Variants in PRIM2 observed in about 807,000 individuals in gnomAD.
PRIM2 encodes the protein DNA primase large subunit.
A neutral mutation model predicts 67.3 loss-of-function variants in PRIM2; 39 were observed. That is an observed-to-expected ratio of 0.58 (90% CI 0.45 to 0.76). PRIM2 has a LOEUF of 0.76. PRIM2 is among the 30% of genes least tolerant of loss of function. PRIM2 has a pLI of 0.00. For missense variants in PRIM2, 398 were observed against 598.7 expected (o/e 0.66, Z 3.50); for synonymous variants, 143 against 198.7 (o/e 0.72, Z 2.36).
the PRIM2 span, among the ~76,000 whole-genome samples, chr6:57,280,934 A>G: frequency 6.6e-6 from 1 of 151,246 alleles, no homozygotes. Context: ...TTTTCCCTTT[A>G]TCTCTCTCTT....
the PRIM2 span, among the ~76,000 whole-genome samples, chr6:57,299,060 C>G: frequency 1.3e-5 from 2 of 151,044 alleles, no homozygotes; most frequent in Admixed American, 1.3e-4. Context: ...ATTTCTCTCT[C>G]TCTTTCTCTC....
chr6:57,563,791 T>G (rs1243015428), intron 10 of PRIM2, among the ~76,000 whole-genome samples: 5 of 152,046 alleles, frequency 3.3e-5, no homozygotes, highest in Non-Finnish European at 7.4e-5. Context: ...CTCCCGAGTA[T>G]CTGGGATTAC....
upstream of PRIM2, among the ~76,000 whole-genome samples, chr6:57,310,517 G>C (rs891585022): frequency 1.3e-5 from 2 of 152,156 alleles, no homozygotes; most frequent in Non-Finnish European, 2.9e-5. Context: ...TTTTCTTTTC[G>C]ACAAAACCAC....
chr6:57,445,922 C>T (rs1581911940), intron 7 of PRIM2, among the ~76,000 whole-genome samples: 1 of 152,182 alleles, frequency 6.6e-6, no homozygotes, highest in Non-Finnish European at 1.5e-5. Flanking sequence ...ACATTGTTCT[C>T]CCAGCAGCCT....
intron 13 of PRIM2, among the ~76,000 whole-genome samples, chr6:57,642,100 A>G (rs1777247147): frequency 6.6e-6 from 1 of 152,216 alleles, no homozygotes; most frequent in African/African-American, 2.4e-5. Flanking sequence ...ATGAAGCTGG[A>G]AACCATCATT....
chr6:57,475,778 ATT>A (rs1773463599), intron 7 of PRIM2, among the ~76,000 whole-genome samples: 5 of 152,182 alleles, frequency 3.3e-5, no homozygotes, highest in Non-Finnish European at 5.9e-5. Flanking sequence ...TCACATTTTT[ATT>A]GAGTGCCTAA....
At chr6:57,404,689 A>G (rs1770823771) in intron 7 of PRIM2, among the ~76,000 whole-genome samples, 1 of 152,146 alleles carries the variant, frequency 6.6e-6, no homozygotes, top group East Asian at 1.9e-4. Flanking sequence ...TCTCTGCAGT[A>G]TGTAAGATGT....
chr6:57,626,419 T>A (rs1445648792), intron 12 of PRIM2, among the ~76,000 whole-genome samples: 50 of 152,306 alleles, frequency 3.3e-4, no homozygotes, highest in African/African-American at 1.2e-3. Flanking sequence ...CTATGTTCCA[T>A]CACTGATTAA....
intron 5 of PRIM2, among the ~76,000 whole-genome samples, chr6:57,352,109 TAGC>T (rs1768876735): frequency 6.6e-6 from 1 of 152,212 alleles, no homozygotes; most frequent in Non-Finnish European, 1.5e-5. Flanking sequence ...GTGATCTTAT[TAGC>T]AGTGATATTT....
Position 57,358,503 on chromosome 6 carries a change from A to C in PRIM2, c.460-21398A>C, listed in dbSNP as rs1040777179. Among the ~76,000 whole-genome samples the C allele has an allele frequency of 2.2e-4, 33 of 152,276 alleles. 1 individual carries two copies. The highest frequency in any genetic ancestry group is 2.1e-3 in the Admixed American group (32 of 15,298). On this transcript the variant is annotated intron_variant, in intron 5 of 13. Transcript: ENST00000615550. Reference sequence around the variant, plus strand: ...TGTCAGAACAGGAGAGATGTTTTTAACACCTAGCACAGCTGCAAACTAGGT... The same window carrying C: ...TGTCAGAACAGGAGAGATGTTTTTACCACCTAGCACAGCTGCAAACTAGGT...
chr6:57,480,542 A>C (rs1408748742), intron 7 of PRIM2, among the ~76,000 whole-genome samples: 1 of 152,188 alleles, frequency 6.6e-6, no homozygotes, highest in Admixed American at 6.5e-5. Context: ...CATCACTACA[A>C]GACTTCCCTT....
Position 57,461,140 on chromosome 6 carries a change from T to G in PRIM2, c.694-46247T>G, listed in dbSNP as rs1464417785. Among the ~76,000 whole-genome samples, 7 of 152,350 alleles carry G rather than the reference T, an allele frequency of 4.6e-5. No individual in the cohort carries two copies. In the East Asian group the frequency reaches 1.2e-3, roughly 25 times the overall value. ...GAAAGCTCATGCAGAGATACTGTTT[T>G]GAAGATAACTCGTGGGGAAGAAATG... is the stretch of plus-strand genomic sequence containing the variant. On this transcript the variant is annotated intron_variant, in intron 7 of 13. Transcript: ENST00000615550.
intron 5 of PRIM2, among the ~76,000 whole-genome samples, chr6:57,354,209 A>G (rs1768949927): frequency 6.6e-6 from 1 of 151,918 alleles, no homozygotes; most frequent in Non-Finnish European, 1.5e-5. Flanking sequence ...TTCCTTCCCT[A>G]CTTCTCTTTC....
intron 10 of PRIM2, among the ~76,000 whole-genome samples, chr6:57,565,282 T>C (rs1382073446): frequency 4.7e-5 from 7 of 148,912 alleles, no homozygotes; most frequent in Non-Finnish European, 5.9e-5. Context: ...TATTTATCCC[T>C]TTTTATTCTT....
chr6:57,411,439 T>C (rs1771085336), intron 7 of PRIM2, among the ~76,000 whole-genome samples: 1 of 151,224 alleles, frequency 6.6e-6, no homozygotes, highest in African/African-American at 2.4e-5. Context: ...AAAAGTATGA[T>C]TAATGAATGT....
At chr6:57,328,331 T>C (rs1332806636) in intron 5 of PRIM2, among the ~76,000 whole-genome samples, 2 of 152,218 alleles carry the variant, frequency 1.3e-5, no homozygotes, top group East Asian at 3.8e-4. Context: ...TGAAACCTCT[T>C]ACCCATTTAT....
At chr6:57,450,044 C>A (rs1302264987) in intron 7 of PRIM2, among the ~76,000 whole-genome samples, 5 of 152,098 alleles carry the variant, frequency 3.3e-5, no homozygotes, top group Non-Finnish European at 5.9e-5. Flanking sequence ...GAGAGCCTGT[C>A]ACTTAAAGGT....
intron 10 of PRIM2, among the ~76,000 whole-genome samples, chr6:57,546,393 G>T (rs1235525055): frequency 3.9e-5 from 6 of 152,164 alleles, no homozygotes; most frequent in Non-Finnish European, 4.4e-5. Context: ...TGTTAGAGTG[G>T]ATCGTGTTAG....
At chr6:57,477,360 A>G (rs1344558599) in intron 7 of PRIM2, among the ~76,000 whole-genome samples, 17 of 152,364 alleles carry the variant, frequency 1.1e-4, no homozygotes, top group Non-Finnish European at 2.1e-4. Context: ...TACAAATACT[A>G]CTTAATAGTT....
Sources: allele counts gnomAD v4.1 joint callset (sites outside exome capture counted in the v4.1 genomes callset), GRCh38; gene constraint gnomAD v4.1.1; transcripts MANE v1.5; gene names NCBI Gene and HGNC (gene_info 2026-07-23, HGNC 2026-07-21).